OGFOD1: variants seen among roughly 807,000 people sequenced by gnomAD.
The protein encoded by OGFOD1 is prolyl 3-hydroxylase OGFOD1.
In OGFOD1, 54 loss-of-function variants were observed where a neutral mutation model predicts 67.7. That is an observed-to-expected ratio of 0.80 (90% CI 0.64 to 1.00). OGFOD1 has a LOEUF of 1.00. Among genes scored for constraint, OGFOD1 ranks in the 50% least tolerant of loss-of-function variants. The pLI is 0.00. For synonymous variants in OGFOD1, 221 were observed against 227.0 expected (o/e 0.97, Z 0.24); for missense variants, 606 against 646.7 (o/e 0.94, Z 0.68).
At chr16:56,455,088 C>A (rs2143968400) in intron 2 of OGFOD1, among the ~76,000 whole-genome samples, 1 of 152,290 alleles carries the variant, frequency 6.6e-6, no homozygotes, top group Non-Finnish European at 1.5e-5. Flanking sequence ...TGGAAGATGG[C>A]CGGGCACAGT....
At chr16:56,474,317 C>CTT (rs770427579) in intron 10 of OGFOD1, among the ~76,000 whole-genome samples, 40 of 130,048 alleles carry the variant, frequency 3.1e-4, no homozygotes, top group African/African-American at 5.4e-4. Flanking sequence ...CAAAATTCAA[C>CTT]TTTTTTTTTT....
chr16:56,466,112 C>A, intron 4 of OGFOD1, 40 bp from the exon 5 acceptor site: 1 of 1,442,038 alleles, frequency 6.9e-7, no homozygotes, highest in Non-Finnish European at 9.8e-7. Context: ...CAGCTGGTCA[C>A]TATCTGCAGG....
At chr16:56,473,906 A>C (rs1034459207) in intron 10 of OGFOD1, among the ~76,000 whole-genome samples, 3 of 152,038 alleles carry the variant, frequency 2.0e-5, no homozygotes, top group African/African-American at 7.2e-5. Context: ...TCCCAGGTTC[A>C]AGCGATTCTC....
chr16:56,471,628 C>T (rs1483043370), intron 10 of OGFOD1, among the ~76,000 whole-genome samples: 2 of 152,114 alleles, frequency 1.3e-5, no homozygotes, highest in African/African-American at 4.8e-5. Flanking sequence ...TCTTGAGAAC[C>T]CTGTGCAGTT....
In OGFOD1 at chr16:56,466,859, G is replaced by C; in HGVS notation, c.566-17G>C. ...GTGGTTAATGATAATTTATTGATGT[G>C]TTCTTTCCTGGTGCAGAACACTTTC... On this transcript the variant is annotated splice_polypyrimidine_tract_variant and intron_variant, in intron 5 of 12. Coordinates refer to ENST00000566157, the MANE Select transcript of OGFOD1 (RefSeq NM_018233.4). 7 of 1,586,754 alleles carry C rather than the reference G, an allele frequency of 4.4e-6. No individual in the cohort carries two copies. The South Asian group carries it at 7.7e-5, about 18-fold the overall frequency.
intron 4 of OGFOD1, among the ~76,000 whole-genome samples, chr16:56,463,248 AAT>A (rs779336151): frequency 7.2e-5 from 11 of 152,072 alleles, no homozygotes; most frequent in Non-Finnish European, 1.0e-4. Flanking sequence ...TACTAAATAA[AAT>A]AATTCTTTGA....
At chr16:56,463,191 G>C (rs531318834) in intron 4 of OGFOD1, among the ~76,000 whole-genome samples, 1 of 152,076 alleles carries the variant, frequency 6.6e-6, no homozygotes, top group South Asian at 2.1e-4. Context: ...TTGGATACAA[G>C]CTTGGTTTTT....
At chr16:56,466,723 G>C in intron 5 of OGFOD1, 153 bp from the exon 6 acceptor site, 2 of 672,192 alleles carry the variant, frequency 3.0e-6, no homozygotes, top group South Asian at 3.4e-5. Flanking sequence ...AGTCAAACTC[G>C]CAAGTATGAG....
At chr16:56,475,313 A>G (rs1345176713) in intron 11 of OGFOD1, among the ~76,000 whole-genome samples, 194 bp from the exon 12 acceptor site, 2 of 152,224 alleles carry the variant, frequency 1.3e-5, no homozygotes, top group African/African-American at 4.8e-5. Flanking sequence ...CAGCTGTCTC[A>G]GGAAATTAGG....
At chr16:56,455,658 C>G (rs1415843114) in intron 2 of OGFOD1, among the ~76,000 whole-genome samples, 1 of 152,112 alleles carries the variant, frequency 6.6e-6, no homozygotes, top group Admixed American at 6.5e-5. Flanking sequence ...CTTCCAACTC[C>G]CATAACCAAC....
chr16:56,456,690 G>T (rs1434270675), intron 2 of OGFOD1, among the ~76,000 whole-genome samples: 2 of 152,112 alleles, frequency 1.3e-5, no homozygotes, highest in African/African-American at 4.8e-5. Context: ...TCTATATTTA[G>T]ATATGTTTAG....
chr16:56,471,252 C>G (rs1031074703), intron 10 of OGFOD1, among the ~76,000 whole-genome samples: 1 of 151,364 alleles, frequency 6.6e-6, no homozygotes, highest in Non-Finnish European at 1.5e-5. Context: ...ATCCAAGCTA[C>G]TCAGGAGGCT....
intron 10 of OGFOD1, among the ~76,000 whole-genome samples, chr16:56,474,487 A>G (rs1479914721): frequency 6.6e-6 from 1 of 151,594 alleles, no homozygotes; most frequent in African/African-American, 2.4e-5. Context: ...CGCCTGGCTA[A>G]TTTTGTATTT....
chr16:56,475,938 C>G, intron 12 of OGFOD1, 106 bp from the exon 13 acceptor site: 3 of 1,039,874 alleles, frequency 2.9e-6, no homozygotes, highest in Non-Finnish European at 4.2e-6. Flanking sequence ...CCCCTCTATC[C>G]CCAGATTAAG....
intron 9 of OGFOD1, 98 bp downstream of exon 9, chr16:56,470,180 CTG>C (rs1207336322): frequency 7.1e-5 from 75 of 1,058,780 alleles, no homozygotes; most frequent in Admixed American, 1.7e-4. Context: ...GAAAAATAGA[CTG>C]AGGTGATGAC....
At chr16:56,468,170 A>G (rs1201421895) in intron 8 of OGFOD1, 152 bp downstream of exon 8, 1 of 605,912 alleles carries the variant, frequency 1.7e-6, no homozygotes, top group African/African-American at 1.9e-5. Context: ...AGAAATGATG[A>G]TAACACTAAC....
chr16:56,456,475 T>C (rs527957362), intron 2 of OGFOD1, among the ~76,000 whole-genome samples: 6 of 152,324 alleles, frequency 3.9e-5, no homozygotes, highest in African/African-American at 1.4e-4. Context: ...GTTTTCCCCA[T>C]CACAGTTAAT....
intron 5 of OGFOD1, 72 bp from the exon 6 acceptor site, chr16:56,466,804 T>C: frequency 8.7e-7 from 1 of 1,145,986 alleles, no homozygotes; most frequent in South Asian, 1.3e-5. Flanking sequence ...AGTTTGGAAA[T>C]TGTCAAGAGT....
At position 56,467,925 on chromosome 16, in the gene OGFOD1, G is replaced by A. The variant is rs767362655; in HGVS notation, c.807G>A (p.Trp269Ter). 2.5e-6 allele frequency: 4 copies of A among 1,595,000 alleles called. No individual in the cohort carries two copies. In the Admixed American group the frequency reaches 6.7e-5, roughly 27 times the overall value. Residue 269 changes from tryptophan to a stop codon, truncating the protein, a stop_gained, in exon 8 of 13, where the codon TGG becomes TGA. Coordinates refer to ENST00000566157, the MANE Select transcript of OGFOD1 (RefSeq NM_018233.4). LOFTEE classifies it high-confidence loss of function. ...IPQDHEILYDWINPTYLDMDY... is the reference protein window; with the variant it reads ...IPQDHEILYD ...GTAAGCATGAGATTTTGTATGATTG[G>A]ATCAACCCTACTTATCTGGACATGG...
Sources: gnomAD v4.1 joint callset for allele counts (sites outside exome capture counted in the v4.1 genomes callset) on GRCh38, gnomAD v4.1.1 for gene constraint, MANE v1.5 for transcripts, NCBI Gene and HGNC (gene_info 2026-07-23, HGNC 2026-07-21) for gene names.